The following SLC67A1 variants were observed in gnomAD, a reference collection of about 807,000 sequenced individuals.
SLC67A1 encodes the protein solute carrier family 67 member 1.
the SLC67A1 span, chr11:2,916,753 A>G: frequency 2.5e-6 from 4 of 1,606,274 alleles, no homozygotes; most frequent in South Asian, 1.1e-5. Context: ...AAGCCCCGCC[A>G]GGTACACCCT....
At chr11:2,925,165 C>G in the SLC67A1 span, 6 of 1,613,704 alleles carry the variant, frequency 3.7e-6, no homozygotes, top group Admixed American at 1.0e-4. The surrounding 1 kb of genome is among the most constrained non-coding windows in gnomAD (Gnocchi z 6.5). Flanking sequence ...CTGGAGGAAA[C>G]CTATGCCCCA....
chr11:2,911,305 G>C, the SLC67A1 span, among the ~76,000 whole-genome samples: 43,160 of 151,984 alleles, frequency 0.28, 6,623 homozygotes, highest in Non-Finnish European at 0.31. Context: ...GGCGCCCCAG[G>C]GAGAGGGAAG....
chr11:2,909,172 T>C, the SLC67A1 span: 4 of 1,482,730 alleles, frequency 2.7e-6, no homozygotes, highest in African/African-American at 4.3e-5. Flanking sequence ...TCCGTGAGGG[T>C]CCGACCCGCC....
the SLC67A1 span, chr11:2,916,382 G>A: frequency 3.1e-5 from 14 of 446,616 alleles, no homozygotes; most frequent in African/African-American, 1.4e-4. Flanking sequence ...AGGGGCTGCC[G>A]GGGCCTGCAT....
chr11:2,915,772 GC>G, the SLC67A1 span, among the ~76,000 whole-genome samples: 1 of 152,240 alleles, frequency 6.6e-6, no homozygotes, highest in African/African-American at 2.4e-5. Context: ...TCAGTAGGAA[GC>G]CCCAACTTCC....
At chr11:2,923,757 C>T in the SLC67A1 span, among the ~76,000 whole-genome samples, 2 of 152,196 alleles carry the variant, frequency 1.3e-5, no homozygotes, top group Non-Finnish European at 2.9e-5. The surrounding 1 kb of genome is among the most constrained non-coding windows in gnomAD (Gnocchi z 6.5). Flanking sequence ...CCCCTGGAGG[C>T]TGAGGGAGAC....
At chr11:2,914,356 G>A in the SLC67A1 span, among the ~76,000 whole-genome samples, 1 of 152,180 alleles carries the variant, frequency 6.6e-6, no homozygotes, top group South Asian at 2.1e-4. Context: ...CGTGCTAAGG[G>A]TGCTTCCAGT....
chr11:2,903,954 T>C, the SLC67A1 span, among the ~76,000 whole-genome samples: 2 of 152,238 alleles, frequency 1.3e-5, no homozygotes, highest in Non-Finnish European at 2.9e-5. Flanking sequence ...AAATGATCTG[T>C]GGCGGCAAAT....
At chr11:2,903,284 C>A in the SLC67A1 span, 58 of 1,582,830 alleles carry the variant, frequency 3.7e-5, no homozygotes, top group Middle Eastern at 2.0e-4. Flanking sequence ...GGACTTTTGC[C>A]CCCTGCTCCG....
At chr11:2,900,776 C>G in the SLC67A1 span, among the ~76,000 whole-genome samples, 1 of 150,308 alleles carries the variant, frequency 6.7e-6, no homozygotes, top group African/African-American at 2.4e-5. Context: ...GACATCCATG[C>G]GGGAACACAG....
chr11:2,901,248 T>G, the SLC67A1 span, among the ~76,000 whole-genome samples: 5 of 152,238 alleles, frequency 3.3e-5, no homozygotes, highest in South Asian at 1.0e-3. Flanking sequence ...GGGTAGCTGC[T>G]GAACCACTCC....
chr11:2,900,793 C>T, the SLC67A1 span, among the ~76,000 whole-genome samples: 6 of 151,542 alleles, frequency 4.0e-5, no homozygotes, highest in Non-Finnish European at 1.5e-5. Flanking sequence ...ACAGATGAAC[C>T]AAGGGACCTG....
At chr11:2,903,207 C>T in the SLC67A1 span, 69 of 1,503,762 alleles carry the variant, frequency 4.6e-5, no homozygotes, top group Middle Eastern at 3.0e-3. Flanking sequence ...GCTGTCCTCT[C>T]TTGCAGGCAA....
the SLC67A1 span, chr11:2,922,051 C>G: frequency 5.8e-6 from 8 of 1,385,164 alleles, no homozygotes; most frequent in African/African-American, 1.1e-4. Context: ...GTCCAGACGC[C>G]CCTCCCTCGC....
chr11:2,908,537 C>T, the SLC67A1 span, among the ~76,000 whole-genome samples: 1 of 152,244 alleles, frequency 6.6e-6, no homozygotes, highest in Admixed American at 6.5e-5. Context: ...TCCACTACTC[C>T]TGCCTGTGGC....
the SLC67A1 span, chr11:2,921,767 G>C: frequency 8.2e-6 from 1 of 122,592 alleles, no homozygotes; most frequent in East Asian, 1.7e-4. Flanking sequence ...GCCTGCGGCC[G>C]AGCCTGTCCC....
chr11:2,915,287 G>T, the SLC67A1 span: 406 of 957,028 alleles, frequency 4.2e-4, no homozygotes, highest in Non-Finnish European at 4.8e-4. Context: ...GCCCGTGTGT[G>T]TGTGTGTGTG....
At chr11:2,912,630 G>A in the SLC67A1 span, among the ~76,000 whole-genome samples, 2 of 152,186 alleles carry the variant, frequency 1.3e-5, no homozygotes, top group Admixed American at 6.5e-5. Context: ...CCCACAGGCT[G>A]CGGGGGCGGG....
chr11:2,900,692 C>CAAAAAAAAAAAA, the SLC67A1 span, among the ~76,000 whole-genome samples: 1,119 of 59,632 alleles, frequency 0.019, 94 homozygotes, highest in Non-Finnish European at 0.026. Context: ...GACTCCGTCT[C>CAAAAAAAAAAAA]AAAAAAAAAA....
Sources: allele counts gnomAD v4.1 joint callset (sites outside exome capture counted in the v4.1 genomes callset), GRCh38; gene constraint gnomAD v4.1.1; non-coding constraint Gnocchi (gnomAD v3.1); transcripts MANE v1.5; gene names NCBI Gene and HGNC (gene_info 2026-07-23, HGNC 2026-07-21).